Variants in CFAP44 observed in about 807,000 individuals in gnomAD.
CFAP44 encodes cilia- and flagella-associated protein 44.
Under a neutral mutation model 216.2 loss-of-function variants are expected in CFAP44, and 134 were observed. That is an observed-to-expected ratio of 0.62 (90% confidence interval 0.54 to 0.72). The LOEUF (loss-of-function observed/expected upper bound fraction) is 0.72. CFAP44 is among the 30% of genes least tolerant of loss of function. The pLI is 0.00. For missense variants in CFAP44, 2,035 were observed against 2,182.1 expected, an observed-to-expected ratio of 0.93 and a Z score of 1.34; for synonymous variants, 700 against 727.6, an observed-to-expected ratio of 0.96 and a Z score of 0.61.
chr3:113,387,872 C>T (rs749784972), intron 15 of CFAP44, among the ~76,000 whole-genome samples: 1 of 152,068 alleles, frequency 6.6e-6, no homozygotes, highest in African/African-American at 2.4e-5. Context: ...CTGAAGAGCC[C>T]TTGGGCCTTG....
At chr3:113,372,273 T>A (rs1416211478) in intron 18 of CFAP44, among the ~76,000 whole-genome samples, 1 of 152,224 alleles carries the variant, frequency 6.6e-6, no homozygotes, top group Non-Finnish European at 1.5e-5. Context: ...TAAGGACACA[T>A]GCATACGTAT....
chr3:113,365,174 C>A (rs1950576180), intron 19 of CFAP44, among the ~76,000 whole-genome samples: 1 of 152,058 alleles, frequency 6.6e-6, no homozygotes, highest in Admixed American at 6.5e-5. Flanking sequence ...AAGGCATTTT[C>A]TTCTTGTTCA....
chr3:113,287,762 TA>T lies in CFAP44; in HGVS notation c.*3794del, dbSNP rs1329433722. On this transcript the variant is annotated 3_prime_UTR_variant, in exon 35 of 35. Coordinates refer to ENST00000393845, the MANE Select transcript of CFAP44 (RefSeq NM_001164496.2). ...TTAGGTCATATTGAAGAAATAGAAC[TA>T]ATCTTTTTTATATAGGTGTGTGTTG... 1 of 152,250 alleles carries T rather than the reference TA, an allele frequency of 6.6e-6. No homozygotes were observed. The highest frequency in any genetic ancestry group is 1.5e-5 in the Non-Finnish European group (1 of 68,052). 9.4% of individuals were successfully genotyped at this position (152,250 alleles called of 1,614,324 possible).
rs531580549 is a variant in CFAP44 at position 113,427,882 on chromosome 3, G to T, written c.101-543C>A. On this transcript the variant is annotated intron_variant, in intron 2 of 34. Coordinates refer to ENST00000393845, the MANE Select transcript of CFAP44 (RefSeq NM_001164496.2). ...GGTTAAAATATACAATGCCAAGCAG[G>T]ATGGGTATACTTTCATATAGAGCTA... 5.3e-5 allele frequency among the ~76,000 whole-genome samples: 8 copies of T among 152,172 alleles called. No individual in the cohort carries two copies. The South Asian group carries it at 1.7e-3, about 32-fold the overall frequency.
chr3:113,314,357 C>T (rs1205932075), intron 28 of CFAP44, among the ~76,000 whole-genome samples: 3 of 151,824 alleles, frequency 2.0e-5, no homozygotes, highest in African/African-American at 7.3e-5. Flanking sequence ...CCATGGAAGC[C>T]GAAAGGAAAT....
intron 5 of CFAP44, among the ~76,000 whole-genome samples, chr3:113,417,977 A>G (rs1934693350): frequency 6.6e-6 from 1 of 152,224 alleles, no homozygotes; most frequent in South Asian, 2.1e-4. Flanking sequence ...ACAGTAAATT[A>G]AAAAGTTTCT....
At chr3:113,336,121 T>C (rs993037815) in intron 24 of CFAP44, among the ~76,000 whole-genome samples, 1 of 152,082 alleles carries the variant, frequency 6.6e-6, no homozygotes, top group African/African-American at 2.4e-5. Flanking sequence ...AAGAAGGGCA[T>C]AGAATCAAAG....
At chr3:113,432,873 C>G (rs147499241) in intron 2 of CFAP44, among the ~76,000 whole-genome samples, 1 of 152,164 alleles carries the variant, frequency 6.6e-6, no homozygotes, top group Non-Finnish European at 1.5e-5. Flanking sequence ...ATAAATTCCA[C>G]TCAGTTCAAT....
intron 16 of CFAP44, among the ~76,000 whole-genome samples, 182 bp downstream of exon 16, chr3:113,380,717 T>C (rs1247780059): frequency 6.6e-6 from 1 of 152,208 alleles, no homozygotes; most frequent in African/African-American, 2.4e-5. Context: ...TCTTTGCATT[T>C]TGATTTCAGT....
chr3:113,357,623 C>T (rs951641204), intron 22 of CFAP44, among the ~76,000 whole-genome samples: 4 of 152,124 alleles, frequency 2.6e-5, no homozygotes, highest in Admixed American at 6.5e-5. Flanking sequence ...TCCAGAACTG[C>T]GAGACAGTAA....
At chr3:113,400,383 T>C (rs1346551360) in intron 12 of CFAP44, among the ~76,000 whole-genome samples, 162 bp downstream of exon 12, 1 of 152,172 alleles carries the variant, frequency 6.6e-6, no homozygotes, top group Non-Finnish European at 1.5e-5. Context: ...ATGGCTGCTG[T>C]GTTTTGTGGC....
intron 6 of CFAP44, among the ~76,000 whole-genome samples, chr3:113,414,983 T>C (rs1436677436): frequency 6.8e-6 from 1 of 146,080 alleles, no homozygotes; most frequent in Non-Finnish European, 1.5e-5. Context: ...TGTGAATCTA[T>C]CTGGTCCTGG....
chr3:113,368,695 T>C (rs971174802), intron 18 of CFAP44, among the ~76,000 whole-genome samples: 6 of 150,508 alleles, frequency 4.0e-5, no homozygotes, highest in African/African-American at 1.5e-4. Flanking sequence ...ACAGGCAAAA[T>C]AACCAGCTAA....
At chr3:113,385,012 C>T (rs112559446) in intron 15 of CFAP44, among the ~76,000 whole-genome samples, 12,583 of 152,178 alleles carry the variant, frequency 0.083, 637 homozygotes, top group East Asian at 0.15. Context: ...GGAAGGTAAT[C>T]GGATCATTGG....
chr3:113,424,449 A>G (rs1041804717), intron 4 of CFAP44, among the ~76,000 whole-genome samples: 1 of 152,204 alleles, frequency 6.6e-6, no homozygotes, highest in Non-Finnish European at 1.5e-5. Context: ...ACAAAACAGA[A>G]CAAAACAAAA....
At chr3:113,426,863 A>G (rs73239111) in intron 3 of CFAP44, 61,406 of 275,002 alleles carry the variant, frequency 0.22, 7,910 homozygotes, top group East Asian at 0.49. Context: ...CTGGTCGGTC[A>G]TGGCGCAACA....
chr3:113,287,222 G>T lies in CFAP44; in HGVS notation c.*4335C>A. ...GGATCCCAGGCACATGGTTCATCAC[G>T]AGCATGAGGGAACAGCAAGGGGCAC... is the stretch of plus-strand genomic sequence containing the variant. On this transcript the variant is annotated 3_prime_UTR_variant, in exon 35 of 35. Transcript: ENST00000393845. 1 of 369,854 alleles carries T rather than the reference G, an allele frequency of 2.7e-6. No homozygotes were observed. The highest frequency in any genetic ancestry group is 3.8e-5 in the Admixed American group (1 of 26,050). 22.9% of individuals were successfully genotyped at this position (369,854 alleles called of 1,614,324 possible).
chr3:113,296,243 C>T (rs948449007), intron 33 of CFAP44, among the ~76,000 whole-genome samples: 16 of 152,072 alleles, frequency 1.1e-4, no homozygotes, highest in Non-Finnish European at 2.2e-4. Flanking sequence ...TTTATGGCTG[C>T]GTAGTAATCC....
chr3:113,431,476 G>C (rs894078595), intron 2 of CFAP44, among the ~76,000 whole-genome samples: 10 of 152,104 alleles, frequency 6.6e-5, no homozygotes, highest in African/African-American at 2.4e-4. Flanking sequence ...CCAACACACA[G>C]ACAATCCTGT....
Sources: allele counts gnomAD v4.1 joint callset (sites outside exome capture counted in the v4.1 genomes callset), GRCh38; gene constraint gnomAD v4.1.1; transcripts MANE v1.5; gene names NCBI Gene and HGNC (gene_info 2026-07-23, HGNC 2026-07-21).